Variants in CCDC80 observed in about 807,000 individuals in gnomAD.
The protein encoded by CCDC80 is coiled-coil domain containing 80.
In CCDC80, 49 loss-of-function variants were observed where a neutral mutation model predicts 78.7. The ratio of observed to expected loss-of-function variants is 0.62; its 90% confidence interval spans 0.50 to 0.79. The LOEUF is 0.79. Among genes scored for constraint, CCDC80 ranks in the 30% least tolerant of loss-of-function variants. The probability of loss-of-function intolerance (pLI) is 0.00; values close to 1 mark genes in which losing one functional copy is unlikely to be tolerated. For missense variants in CCDC80, 1,205 were observed against 1,198.6 expected, an observed-to-expected ratio of 1.01 and a Z score of -0.08; for synonymous variants, 488 against 447.0, an observed-to-expected ratio of 1.09 and a Z score of -1.16.
rs754955757 is a variant in CCDC80, at chr3:112,638,748, C to T, written c.1158G>A (p.Arg386=). The T allele has an allele frequency of 1.4e-5, 22 of 1,613,646 alleles. No homozygotes were observed. Among genetic ancestry groups the T allele is most frequent in the Non-Finnish European group, 1.9e-5 (22 of 1,179,942 alleles). ...TGTGGGAGGGTGAGGGGGTCCAGGG[C>T]CTCTGCGTGGTGGGAAAGGCAGTGG... The part of the protein sequence containing the change: ...MTTTAFPTTQ[R]PWTPSPSHRP... The change falls in exon 2 of 8, where the codon AGG becomes AGA. Residue 386 remains arginine (R), a synonymous_variant. Coordinates refer to ENST00000206423, the MANE Select transcript of CCDC80 (RefSeq NM_199511.3).
intron 5 of CCDC80, among the ~76,000 whole-genome samples, chr3:112,610,999 C>T (rs1249000560): frequency 1.3e-5 from 2 of 150,730 alleles, no homozygotes; most frequent in Non-Finnish European, 1.5e-5. Context: ...CTGCAACCTC[C>T]ACCTCCCAGG....
Position 112,616,724 on chromosome 3 carries a change from C to A in CCDC80, c.2307G>T (p.Glu769Asp). ...VCKEDKKQSL[E>D]NFLSRFRWRR... The stretch of plus-strand genomic sequence containing the variant: ...AGGTGATGTACCTGGATAGGAAGTT[C>A]TCCAGGGACTGCTTTTTGTCCTCTT... Residue 769 changes from glutamate (E) to aspartate (D), a missense_variant, in exon 5 of 8, where the codon GAG becomes GAT. Coordinates refer to ENST00000206423, the MANE Select transcript of CCDC80 (RefSeq NM_199511.3). 6.2e-7 allele frequency: 1 copy of A among 1,614,172 alleles called. No homozygotes were observed. The highest frequency in any genetic ancestry group is 1.6e-4 in the Middle Eastern group (1 of 6,062).
At chr3:112,616,191 C>T (rs898176610) in intron 5 of CCDC80, among the ~76,000 whole-genome samples, 6 of 151,998 alleles carry the variant, frequency 3.9e-5, no homozygotes, top group African/African-American at 1.4e-4. Context: ...TCGAAAAATT[C>T]GTGAAACTGG....
Position 112,605,626 on chromosome 3 carries a change from G to T in CCDC80, c.2644C>A (p.Pro882Thr), listed in dbSNP as rs1267662928. The change falls in exon 8 of 8, where the codon CCA becomes ACA. Residue 882 changes from proline (P) to threonine (T), a missense_variant. Pro to Thr is a conservative substitution (Grantham distance 38, BLOSUM62 -1). Coordinates refer to ENST00000206423, the MANE Select transcript of CCDC80 (RefSeq NM_199511.3). ...DGNVKSWYPS[P>T]MWSMVIVYDL... The stretch of plus-strand genomic sequence containing the variant: ...TACACAATCACCATGGACCACATTG[G>T]GGAAGGATACCAGGATTTGACATTT... 3.7e-6 allele frequency: 6 copies of T among 1,614,194 alleles called. No homozygotes were observed. Among genetic ancestry groups the T allele is most frequent in the Non-Finnish European group, 5.1e-6 (6 of 1,180,032 alleles).
intron 3 of CCDC80, among the ~76,000 whole-genome samples, chr3:112,625,461 G>A (rs1390307137): frequency 6.6e-6 from 1 of 152,140 alleles, no homozygotes; most frequent in East Asian, 1.9e-4. Context: ...TTCATATATA[G>A]CTCTATGTAT....
rs1935313087 is a variant in CCDC80 at position 112,598,084 on chromosome 3, C to T, written c.*7333G>A. 6.6e-6 allele frequency: 1 copy of T among 152,122 alleles called. No homozygotes were observed. The highest frequency in any genetic ancestry group is 6.6e-5 in the Admixed American group (1 of 15,258). The allele number at this position is 152,122 out of a possible 1,614,324, so 9.4% of individuals were successfully genotyped here. A position where few individuals can be genotyped will look rare whatever the true frequency, so the allele number is the denominator to read the frequency against. On this transcript the variant is annotated 3_prime_UTR_variant, in exon 8 of 8. Coordinates refer to ENST00000206423, the MANE Select transcript of CCDC80 (RefSeq NM_199511.3). ...CACATATCAAGGCTTTCGACTATTC[C>T]CAACCAGGTCTTCCCAAATTTGGGC...
intron 5 of CCDC80, among the ~76,000 whole-genome samples, chr3:112,614,123 G>A (rs1428916406): frequency 6.6e-6 from 1 of 152,000 alleles, no homozygotes; most frequent in Non-Finnish European, 1.5e-5. Context: ...GAAAGATTTT[G>A]TTTGTTTAAT....
chr3:112,637,909 C>T (rs1034583403), intron 2 of CCDC80, 119 bp downstream of exon 2: 1 of 1,462,050 alleles, frequency 6.8e-7, no homozygotes, highest in Non-Finnish European at 9.1e-7. Flanking sequence ...CTTCTTGACA[C>T]AGTACAGGTT....
rs1006493976 is a variant in CCDC80 at position 112,607,259 on chromosome 3, G to A, written c.2426-3C>T. ...CAGAATGGTTATGTGGCGCAGACCTGAGAGAAAAAAGAAAACCATAGGATT... is the reference window on the plus strand; with the variant it reads ...CAGAATGGTTATGTGGCGCAGACCTAAGAGAAAAAAGAAAACCATAGGATT... On this transcript the variant is annotated splice_region_variant and splice_polypyrimidine_tract_variant and intron_variant, in intron 6 of 7. Transcript: ENST00000206423. The A allele has an allele frequency of 6.2e-7, 1 of 1,606,444 alleles. No homozygotes were observed. The highest frequency in any genetic ancestry group is 1.3e-5 in the African/African-American group (1 of 74,212).
Position 112,607,215 on chromosome 3 carries a change from C to T in CCDC80, c.2467G>A (p.Glu823Lys), listed in dbSNP as rs758533825. 2.5e-6 allele frequency: 4 copies of T among 1,613,986 alleles called. No individual in the cohort carries two copies. Among genetic ancestry groups the T allele is most frequent in the Non-Finnish European group, 3.4e-6 (4 of 1,179,916 alleles). ...ITILKLLGVG[E>K]EVGGVLELFP... is the part of the protein sequence containing the mutation. ...AGTTCTAACACTCCCCCAACTTCCT[C>T]TCCAACGCCTAAAAGCTTCAGAATG... The change falls in exon 7 of 8, where the codon GAG becomes AAG. Residue 823 changes from glutamate to lysine, a missense_variant. Glu to Lys is a moderately conservative substitution (Grantham distance 56). Transcript: ENST00000206423.
At chr3:112,622,960 G>A (rs757485548) in intron 3 of CCDC80, among the ~76,000 whole-genome samples, 2 of 151,540 alleles carry the variant, frequency 1.3e-5, no homozygotes, top group Admixed American at 6.6e-5. Context: ...ATAGGCATGA[G>A]CTACCACGCC....
intron 5 of CCDC80, among the ~76,000 whole-genome samples, chr3:112,611,074 C>T (rs972730323): frequency 3.9e-5 from 6 of 152,040 alleles, no homozygotes; most frequent in South Asian, 2.1e-4. Context: ...CCACCACACC[C>T]GGCTAATTTT....
chr3:112,634,853 T>G (rs76491164), intron 2 of CCDC80, among the ~76,000 whole-genome samples: 2,766 of 152,326 alleles, frequency 0.018, 51 homozygotes, highest in South Asian at 0.068. Flanking sequence ...CAGATCTGAA[T>G]TCTAATTCCG....
At chr3:112,612,062 A>T (rs9681937) in intron 5 of CCDC80, among the ~76,000 whole-genome samples, 3,733 of 123,174 alleles carry the variant, frequency 0.03, 120 homozygotes, top group African/African-American at 0.095. Context: ...TTTTTTTTTT[A>T]AAAAGGGAAA....
intron 5 of CCDC80, among the ~76,000 whole-genome samples, chr3:112,610,851 T>A (rs1935608037): frequency 6.6e-6 from 1 of 152,068 alleles, no homozygotes; most frequent in Admixed American, 6.5e-5. Flanking sequence ...TTGGGTGTCG[T>A]TGAGCATGTC....
chr3:112,607,152 T>C, intron 7 of CCDC80, 24 bp downstream of exon 7: 1 of 1,550,310 alleles, frequency 6.5e-7, no homozygotes, highest in Non-Finnish European at 8.9e-7. Flanking sequence ...TAGTTCATAC[T>C]GTTTCAAGAT....
rs1935292597 is a variant in CCDC80 at position 112,596,917 on chromosome 3, A to G, written c.*8500T>C. ...AGCTTCATAATGTCCTTATTTGCAC[A>G]CATATACCACACTGCCTTCATTTTC... On this transcript the variant is annotated 3_prime_UTR_variant, in exon 8 of 8. Coordinates refer to ENST00000206423, the MANE Select transcript of CCDC80 (RefSeq NM_199511.3). The G allele has an allele frequency of 1.3e-5, 2 of 152,136 alleles. No individual in the cohort carries two copies. Among genetic ancestry groups the G allele is most frequent in the East Asian group, 3.8e-4 (2 of 5,196 alleles). The allele number at this position is 152,136 out of a possible 1,614,324, so 9.4% of individuals were successfully genotyped here. A position where few individuals can be genotyped will look rare whatever the true frequency, so the allele number is the denominator to read the frequency against.
chr3:112,605,727 T>A lies in CCDC80; in HGVS notation c.2543A>T (p.His848Leu). The A allele has an allele frequency of 6.2e-7, 1 of 1,614,160 alleles. No homozygotes were observed. Among genetic ancestry groups the A allele is most frequent in the Non-Finnish European group, 8.5e-7 (1 of 1,180,002 alleles). ...SVVEREDVPA[H>L]LVKDIRNYFQ... ...ATAGTTACGAATGTCTTTCACCAAA[T>A]GGGCTGGTACGTCTTCTCGCTCAAC... Residue 848 changes from histidine (H) to leucine (L), a missense_variant, in exon 8 of 8, where the codon CAT becomes CTT. Physicochemically the swap from His to Leu is moderately conservative, Grantham distance 99. Transcript: ENST00000206423.
chr3:112,639,346 A>G lies in CCDC80; in HGVS notation c.560T>C (p.Ile187Thr). ...CTCACCTGCCTGGTGGAAGAGCACA[A>G]TCTGTTGGATGTGCCTCTCCGCCAG... ...CELAERHIQQ[I>T]VLFHQAGEEG... The change falls in exon 2 of 8, where the codon ATT becomes ACT. Residue 187 changes from isoleucine to threonine, a missense_variant. By Grantham distance (89) the Ile-to-Thr change is moderately conservative. Coordinates refer to ENST00000206423, the MANE Select transcript of CCDC80 (RefSeq NM_199511.3). 1.2e-6 allele frequency: 2 copies of G among 1,614,022 alleles called. No homozygotes were observed. Among genetic ancestry groups the G allele is most frequent in the African/African-American group, 1.3e-5 (1 of 74,984 alleles).
Sources: gnomAD v4.1 joint callset for allele counts (sites outside exome capture counted in the v4.1 genomes callset) on GRCh38, gnomAD v4.1.1 for gene constraint, MANE v1.5 for transcripts, NCBI Gene and HGNC (gene_info 2026-07-23, HGNC 2026-07-21) for gene names.